BTBD8: variants seen among roughly 807,000 people sequenced by gnomAD.
BTBD8 encodes BTB/POZ domain-containing protein 8.
In BTBD8, 110 loss-of-function variants were observed where a neutral mutation model predicts 162.9. The observed-to-expected ratio is 0.68, with a 90% CI of 0.58 to 0.79. The LOEUF is 0.79. BTBD8 is among the 30% of genes least tolerant of loss of function. The pLI is 0.00. For synonymous variants in BTBD8, 667 were observed against 716.1 expected, an observed-to-expected ratio of 0.93 and a Z score of 1.10; for missense variants, 1,905 against 2,085.4, an observed-to-expected ratio of 0.91 and a Z score of 1.68.
chr1:92,172,188 T>C (rs1385518170), intron 13 of BTBD8, among the ~76,000 whole-genome samples: 1 of 152,216 alleles, frequency 6.6e-6, no homozygotes, highest in African/African-American at 2.4e-5. Flanking sequence ...ACTTTAAAAG[T>C]TACTTGGTAT....
chr1:92,180,150 C>A, intron 16 of BTBD8, 115 bp from the exon 17 acceptor site: 1 of 717,856 alleles, frequency 1.4e-6, no homozygotes, highest in South Asian at 2.3e-5. Flanking sequence ...TGTTACCCTT[C>A]CATTGTGTTC....
rs145122680 is a variant in BTBD8 at position 92,146,823 on chromosome 1, G to A, written c.931-357G>A. On this transcript the variant is annotated intron_variant, in intron 7 of 17. Coordinates refer to ENST00000636805, the MANE Select transcript of BTBD8 (RefSeq NM_001376131.1). ...TTTAGAGCTGAATATTTCATTGCAC[G>A]GATGTACTACAGTTTATTTATCCAT... 3.1e-3 allele frequency among the ~76,000 whole-genome samples: 465 copies of A among 152,134 alleles called. 3 individuals are homozygous for A. The highest frequency in any genetic ancestry group is 0.011 in the African/African-American group (446 of 41,506).
Position 92,181,889 on chromosome 1 carries a change from T to C in BTBD8, c.4206T>C (p.Ser1402=). The C allele has an allele frequency of 6.4e-7, 1 of 1,551,382 alleles. No homozygotes were observed. ...AENVAENFSI[S]NPAPQQFQGI... ...ACGTTGCAGAAAATTTCTCTATATC[T>C]AACCCAGCTCCTCAGCAGTTTCAGG... is the stretch of plus-strand genomic sequence containing the variant. The change falls in exon 17 of 18, where the codon TCT becomes TCC. Residue 1402 remains serine (S), a synonymous_variant. Transcript: ENST00000636805.
intron 4 of BTBD8, among the ~76,000 whole-genome samples, chr1:92,118,431 G>A (rs1014707688): frequency 4.0e-5 from 6 of 151,746 alleles, no homozygotes; most frequent in Non-Finnish European, 8.8e-5. Flanking sequence ...CAAAGATAAA[G>A]GGCCATTTTC....
At chr1:92,163,280 G>A (rs999974336) in intron 9 of BTBD8, among the ~76,000 whole-genome samples, 7 of 144,130 alleles carry the variant, frequency 4.9e-5, no homozygotes, top group East Asian at 2.2e-4. Context: ...GCGTGAACCC[G>A]GGAGGCGGAG....
At position 92,184,245 on chromosome 1, in the gene BTBD8, C is replaced by T. The variant is rs376961985; in HGVS notation, c.5294C>T (p.Ala1765Val). ...SELTSPLDSS[A>V]SITMASFSSE... ...CTAACATCTCCACTTGATTCCTCAG[C>T]GAGCATCACCATGGCTAGTTTTTCC... Residue 1765 changes from alanine (A) to valine (V), a missense_variant, in exon 18 of 18, where the codon GCG becomes GTG. Coordinates refer to ENST00000636805, the MANE Select transcript of BTBD8 (RefSeq NM_001376131.1). 74 of 1,551,572 alleles carry T rather than the reference C, an allele frequency of 4.8e-5. No homozygotes were observed. In the African/African-American group the frequency reaches 7.8e-4, roughly 16 times the overall value.
At chr1:92,116,868 T>C (rs937923500) in intron 4 of BTBD8, among the ~76,000 whole-genome samples, 1 of 151,350 alleles carries the variant, frequency 6.6e-6, no homozygotes, top group African/African-American at 2.4e-5. Context: ...TTTTTTTTTT[T>C]TTATTGGATC....
chr1:92,174,467 A>G (rs1209674502), intron 13 of BTBD8, among the ~76,000 whole-genome samples: 1 of 152,200 alleles, frequency 6.6e-6, no homozygotes, highest in Non-Finnish European at 1.5e-5. Flanking sequence ...TTCAAGGCAT[A>G]CAGCTATACC....
At chr1:92,152,136 T>C (rs957932612) in intron 9 of BTBD8, among the ~76,000 whole-genome samples, 7 of 152,202 alleles carry the variant, frequency 4.6e-5, no homozygotes, top group Non-Finnish European at 8.8e-5. Flanking sequence ...GCTACTATTC[T>C]AAATATAATA....
intron 1 of BTBD8, 91 bp from the exon 2 acceptor site, chr1:92,088,607 C>T: frequency 1.0e-6 from 1 of 992,898 alleles, no homozygotes; most frequent in Non-Finnish European, 1.4e-6. Flanking sequence ...TATTTTTTAG[C>T]TTATGTGTTA....
chr1:92,119,476 A>C (rs572901575), intron 4 of BTBD8, among the ~76,000 whole-genome samples: 34 of 151,240 alleles, frequency 2.2e-4, no homozygotes, highest in Non-Finnish European at 4.3e-4. Flanking sequence ...TGTAGAGACA[A>C]GTTCTTCCTG....
At chr1:92,183,477 T>G (rs937083917) in intron 17 of BTBD8, among the ~76,000 whole-genome samples, 11 of 152,170 alleles carry the variant, frequency 7.2e-5, no homozygotes, top group Admixed American at 3.9e-4. Context: ...TATCCCTGCC[T>G]TTTGCAACGG....
intron 1 of BTBD8, among the ~76,000 whole-genome samples, chr1:92,081,919 C>T (rs908246950): frequency 2.6e-5 from 4 of 152,060 alleles, no homozygotes; most frequent in African/African-American, 2.4e-5. Context: ...CTCACCCATA[C>T]TTAAGGCTCC....
At chr1:92,119,312 G>T (rs2101918329) in intron 4 of BTBD8, among the ~76,000 whole-genome samples, 1 of 145,354 alleles carries the variant, frequency 6.9e-6, no homozygotes. Context: ...TTGAGACAGG[G>T]TCTTGCTCTG....
chr1:92,124,695 G>C (rs1649305271), intron 4 of BTBD8, among the ~76,000 whole-genome samples: 1 of 152,176 alleles, frequency 6.6e-6, no homozygotes. Context: ...TTTGAGATTA[G>C]CTAGAGCAAC....
chr1:92,168,874 G>C lies in BTBD8; in HGVS notation c.1452G>C (p.Thr484=), dbSNP rs1306864273. ...NSDSTKEMGF[T]CKIQALRDKL... ...TTGTTGCTTGAACACAGGGTTTTAC[G>C]TGCAAGATCCAGGCTCTGCGTGATA... is the stretch of plus-strand genomic sequence containing the variant. Residue 484 remains threonine, a synonymous_variant, in exon 12 of 18, where the codon ACG becomes ACC. Transcript: ENST00000636805. The C allele has an allele frequency of 1.3e-6, 2 of 1,520,268 alleles. No homozygotes were observed. The highest frequency in any genetic ancestry group is 1.4e-5 in the African/African-American group (1 of 72,738). The allele number at this position is 1,520,268 out of a possible 1,614,324, so 94.2% of individuals were successfully genotyped here. A position where few individuals can be genotyped will look rare whatever the true frequency, so the allele number is the denominator to read the frequency against.
At chr1:92,172,767 C>T (rs967125577) in intron 13 of BTBD8, among the ~76,000 whole-genome samples, 1 of 152,168 alleles carries the variant, frequency 6.6e-6, no homozygotes, top group African/African-American at 2.4e-5. Context: ...GTTGTCATGG[C>T]TTGAGGAAGA....
intron 5 of BTBD8, among the ~76,000 whole-genome samples, chr1:92,135,249 G>A (rs1432425207): frequency 1.3e-5 from 2 of 151,682 alleles, no homozygotes; most frequent in South Asian, 2.1e-4. Context: ...GCAGTTGCGC[G>A]AACTTGGCTC....
intron 1 of BTBD8, among the ~76,000 whole-genome samples, chr1:92,087,790 G>C (rs1648199718): frequency 6.6e-6 from 1 of 152,126 alleles, no homozygotes; most frequent in Admixed American, 6.5e-5. Context: ...TCAGTTACTT[G>C]TACCTCCTGT....
Sources: allele counts gnomAD v4.1 joint callset (sites outside exome capture counted in the v4.1 genomes callset), GRCh38; gene constraint gnomAD v4.1.1; transcripts MANE v1.5; gene names NCBI Gene and HGNC (gene_info 2026-07-23, HGNC 2026-07-21).